The following PRKCA variants were observed in gnomAD, a reference collection of about 807,000 sequenced individuals.
PRKCA encodes the protein protein kinase C alpha, also known as protein kinase C alpha type.
PRKCA carries 27 observed loss-of-function variants against 87.0 expected under a neutral mutation model. The ratio of observed to expected loss-of-function variants is 0.31; its 90% CI spans 0.23 to 0.43. The LOEUF is 0.43. Among genes scored for constraint, PRKCA ranks in the 20% least tolerant of loss-of-function variants. The pLI is 1.00. For missense variants in PRKCA, 518 were observed against 852.3 expected, an observed-to-expected ratio of 0.61 and a Z score of 4.88; for synonymous variants, 329 against 311.1, an observed-to-expected ratio of 1.06 and a Z score of -0.61.
intron 2 of PRKCA, among the ~76,000 whole-genome samples, chr17:66,375,864 A>G (rs1909388828): frequency 6.6e-6 from 1 of 152,126 alleles, no homozygotes; most frequent in South Asian, 2.1e-4. Context: ...TAATCCTCGT[A>G]AGCCTGGGTC....
At chr17:66,364,714 C>G (rs1399020216) in intron 2 of PRKCA, among the ~76,000 whole-genome samples, 1 of 152,152 alleles carries the variant, frequency 6.6e-6, no homozygotes, top group Non-Finnish European at 1.5e-5. Flanking sequence ...GTTTCCAGTT[C>G]TCCCTGGCTG....
intron 2 of PRKCA, among the ~76,000 whole-genome samples, chr17:66,431,205 G>A (rs1017740400): frequency 6.6e-6 from 1 of 152,202 alleles, no homozygotes; most frequent in Non-Finnish European, 1.5e-5. Context: ...AAGTTCCTTG[G>A]GCTACTGGGT....
chr17:66,335,180 C>G (rs925789565), intron 2 of PRKCA, among the ~76,000 whole-genome samples: 1 of 152,100 alleles, frequency 6.6e-6, no homozygotes, highest in African/African-American at 2.4e-5. Flanking sequence ...CCAGGCTGGA[C>G]TGCAATGGTG....
chr17:66,487,544 G>A (rs1916036989), intron 2 of PRKCA, among the ~76,000 whole-genome samples: 1 of 152,160 alleles, frequency 6.6e-6, no homozygotes, highest in African/African-American at 2.4e-5. Context: ...CGCAGCAGTG[G>A]GATTGGCGGA....
chr17:66,559,297 C>G (rs1173347653), intron 3 of PRKCA, among the ~76,000 whole-genome samples: 2 of 151,452 alleles, frequency 1.3e-5, no homozygotes, highest in Non-Finnish European at 2.9e-5. Context: ...ATGGTGAAAC[C>G]CTGTCTCTCC....
intron 2 of PRKCA, chr17:66,416,037 G>A (rs1912126165): frequency 6.6e-6 from 1 of 152,128 alleles, no homozygotes; most frequent in Admixed American, 6.5e-5. Context: ...GCACACAGTG[G>A]GCATTCTGTA....
intron 2 of PRKCA, among the ~76,000 whole-genome samples, chr17:66,477,748 A>G (rs1915595082): frequency 6.6e-6 from 1 of 152,194 alleles, no homozygotes; most frequent in Non-Finnish European, 1.5e-5. Context: ...GTAATGTACA[A>G]TTCACCCATT....
intron 5 of PRKCA, among the ~76,000 whole-genome samples, chr17:66,653,263 A>C (rs1184135576): frequency 2.0e-5 from 3 of 152,218 alleles, no homozygotes; most frequent in Non-Finnish European, 4.4e-5. Context: ...TGTGAGTTAA[A>C]CAGCTAAAGG....
intron 2 of PRKCA, among the ~76,000 whole-genome samples, chr17:66,329,975 T>C (rs1211667740): frequency 3.9e-5 from 6 of 152,218 alleles, no homozygotes. Context: ...TTCTTTGTTC[T>C]TCCTTTTATT....
chr17:66,533,135 CACT>C, intron 3 of PRKCA, among the ~76,000 whole-genome samples: 1 of 152,194 alleles, frequency 6.6e-6, no homozygotes, highest in Non-Finnish European at 1.5e-5. Context: ...TTGATTCCTA[CACT>C]TATTCTCCTC....
intron 2 of PRKCA, among the ~76,000 whole-genome samples, chr17:66,382,626 T>C (rs1019886507): frequency 6.6e-6 from 1 of 152,114 alleles, no homozygotes; most frequent in African/African-American, 2.4e-5. Flanking sequence ...TATAAAAATA[T>C]GTGTAATAAT....
chr17:66,773,495 CTTTTT>C (rs59316874), intron 13 of PRKCA, among the ~76,000 whole-genome samples: 4 of 124,640 alleles, frequency 3.2e-5, no homozygotes, highest in East Asian at 2.3e-4. Flanking sequence ...CTGGCTTTTC[CTTTTT>C]TTTTTTTTTT....
intron 2 of PRKCA, among the ~76,000 whole-genome samples, chr17:66,449,675 A>G (rs180746783): frequency 6.6e-6 from 1 of 152,292 alleles, no homozygotes; most frequent in Non-Finnish European, 1.5e-5. Flanking sequence ...CAAGTGTTCA[A>G]GTCAGAGGGA....
intron 8 of PRKCA, among the ~76,000 whole-genome samples, chr17:66,694,913 G>C (rs1450435686): frequency 6.6e-6 from 1 of 151,892 alleles, no homozygotes; most frequent in Non-Finnish European, 1.5e-5. Context: ...TTATCCGTCA[G>C]TTGATTCTTT....
At chr17:66,330,334 T>G (rs889004509) in intron 2 of PRKCA, among the ~76,000 whole-genome samples, 1 of 152,094 alleles carries the variant, frequency 6.6e-6, no homozygotes, top group East Asian at 1.9e-4. Flanking sequence ...CTCGAGCTCC[T>G]GACCTCAGGT....
rs142384544 is a variant in PRKCA at position 66,528,674 on chromosome 17, C to T, written c.288+32391C>T. Among the ~76,000 whole-genome samples, 6 of 152,246 alleles carry T rather than the reference C, an allele frequency of 3.9e-5. No homozygotes were observed. In the East Asian group the frequency reaches 1.2e-3, roughly 29 times the overall value. Reference sequence around the variant, plus strand: ...TATGAGACTCATTTTGGAAGTCTGACCCCAAAACTGTGAGATAATAAATTT... The same window carrying T: ...TATGAGACTCATTTTGGAAGTCTGATCCCAAAACTGTGAGATAATAAATTT... On this transcript the variant is annotated intron_variant, in intron 3 of 16. Transcript: ENST00000413366.
In PRKCA at chr17:66,688,422, G is replaced by T. The variant is rs748972010; in HGVS notation, c.807G>T (p.Met269Ile). 1.9e-6 allele frequency: 3 copies of T among 1,614,114 alleles called. No homozygotes were observed. In the East Asian group the frequency reaches 6.7e-5, roughly 36 times the overall value. ...TTGGAGTTTCGGAGCTGATGAAGAT[G>T]CCGGCCAGTGGATGGTATGGAAGCC... is the stretch of plus-strand genomic sequence containing the variant. The part of the protein sequence containing the change: ...LSFGVSELMK[M>I]PASGWYKLLN... The change falls in exon 7 of 17, where the codon ATG becomes ATT. Residue 269 changes from methionine to isoleucine, a missense_variant. Transcript: ENST00000413366.
chr17:66,316,582 A>G (rs1391961924), intron 2 of PRKCA, among the ~76,000 whole-genome samples: 2 of 152,100 alleles, frequency 1.3e-5, no homozygotes, highest in African/African-American at 4.8e-5. Flanking sequence ...TGTATTTTAC[A>G]TGTGGCCCAA....
chr17:66,580,211 G>C (rs1371533487), intron 3 of PRKCA, among the ~76,000 whole-genome samples: 28 of 152,202 alleles, frequency 1.8e-4, no homozygotes, highest in Non-Finnish European at 1.5e-5. Flanking sequence ...GAGTACTAGT[G>C]GTCTGTTATT....
Sources: gnomAD v4.1 joint callset for allele counts (sites outside exome capture counted in the v4.1 genomes callset) on GRCh38, gnomAD v4.1.1 for gene constraint, MANE v1.5 for transcripts, NCBI Gene and HGNC (gene_info 2026-07-23, HGNC 2026-07-21) for gene names.